Variants in NHSL1 observed in about 807,000 individuals in gnomAD.
NHSL1 encodes the protein NHS-like protein 1.
NHSL1 carries 48 observed loss-of-function variants against 95.0 expected under a neutral mutation model. The observed-to-expected ratio is 0.51, with a 90% CI of 0.40 to 0.64. The LOEUF (loss-of-function observed/expected upper bound fraction) is 0.64, where lower values mean the gene tolerates loss of function less well. Ranked by LOEUF, NHSL1 falls within the 30% of genes least tolerant of loss-of-function variation. NHSL1 has a pLI of 0.00. For synonymous variants in NHSL1, 783 were observed against 833.9 expected (o/e 0.94, Z 1.05); for missense variants, 1,971 against 2,077.7 (o/e 0.95, Z 1.00).
intron 1 of NHSL1, among the ~76,000 whole-genome samples, chr6:138,636,831 A>G (rs1784894632): frequency 6.6e-6 from 1 of 152,248 alleles, no homozygotes; most frequent in South Asian, 2.1e-4. Context: ...AAATGTTCAC[A>G]CTATCCAAAG....
rs77996889 is a variant in NHSL1 at position 138,494,832 on chromosome 6, T to C, written c.211+1387A>G. 6.4e-3 allele frequency among the ~76,000 whole-genome samples: 981 copies of C among 152,338 alleles called. 3 individuals carry two copies. Among genetic ancestry groups the C allele is most frequent in the Non-Finnish European group, 9.0e-3 (611 of 68,030 alleles). On this transcript the variant is annotated intron_variant, in intron 2 of 7. Transcript: ENST00000343505. ...CTGGTAGAATAAGAAGTTTGGTTTG[T>C]TGTACTAAGAAAAAGTCTCTGAATT...
In NHSL1 at chr6:138,481,379, T is replaced by C. The variant is rs145671474; in HGVS notation, c.212-7946A>G. Among the ~76,000 whole-genome samples, 1,054 of 152,330 alleles carry C rather than the reference T, an allele frequency of 6.9e-3. 15 individuals carry two copies. Among genetic ancestry groups the C allele is most frequent in the African/African-American group, 0.025 (1,030 of 41,580 alleles). Reference sequence around the variant, plus strand: ...AATCATACTGATATAGTTAGGATTCTCCCTTGTCACTCATGCACGATGAAT... The same window carrying C: ...AATCATACTGATATAGTTAGGATTCCCCCTTGTCACTCATGCACGATGAAT... On this transcript the variant is annotated intron_variant, in intron 2 of 7. Transcript: ENST00000343505.
chr6:138,516,810 T>C (rs778441929), intron 1 of NHSL1, among the ~76,000 whole-genome samples: 13 of 151,676 alleles, frequency 8.6e-5, no homozygotes, highest in Non-Finnish European at 1.5e-4. Context: ...AATCTTTGTA[T>C]TTTTTTTAGA....
At chr6:138,441,485 A>G (rs1414917245) in intron 5 of NHSL1, among the ~76,000 whole-genome samples, 1 of 152,246 alleles carries the variant, frequency 6.6e-6, no homozygotes, top group Non-Finnish European at 1.5e-5. Flanking sequence ...TAAAGGCACC[A>G]TCCAACATAA....
intron 1 of NHSL1, among the ~76,000 whole-genome samples, chr6:138,665,974 C>T (rs535474028): frequency 6.6e-6 from 1 of 152,194 alleles, no homozygotes; most frequent in South Asian, 2.1e-4. Flanking sequence ...CAAATGCTAG[C>T]TCTTGAGGTG....
At chr6:138,452,065 G>A (rs1200769911) in intron 3 of NHSL1, among the ~76,000 whole-genome samples, 3 of 152,282 alleles carry the variant, frequency 2.0e-5, no homozygotes, top group East Asian at 3.9e-4. Flanking sequence ...AAATTGCCTT[G>A]CTCTCAGAAC....
In NHSL1 at chr6:138,442,083, C is replaced by A. The variant is rs1776564580; in HGVS notation, c.564G>T (p.Arg188=). The A allele has an allele frequency of 6.4e-7, 1 of 1,550,686 alleles. No individual in the cohort carries two copies. Among genetic ancestry groups the A allele is most frequent in the Non-Finnish European group, 8.7e-7 (1 of 1,146,682 alleles). ...GENFDRQASL[R]RSLIYTDTLV... The stretch of plus-strand genomic sequence containing the variant: ...GAGTGTCTGTGTAAATTAGAGACCG[C>A]CGAAGGCTGGCCTGGCGATCGAAAT... Residue 188 remains arginine, a synonymous_variant, in exon 5 of 8, where the codon CGG becomes CGT. Coordinates refer to ENST00000343505, the MANE Select transcript of NHSL1 (RefSeq NM_001144060.2).
intron 1 of NHSL1, among the ~76,000 whole-genome samples, chr6:138,555,615 A>C (rs1008608467): frequency 5.3e-5 from 8 of 152,154 alleles, no homozygotes; most frequent in African/African-American, 1.7e-4. Flanking sequence ...GTGCGGAATA[A>C]AAGTGACATG....
intron 2 of NHSL1, among the ~76,000 whole-genome samples, chr6:138,477,500 G>A (rs1021795143): frequency 1.3e-5 from 2 of 152,306 alleles, no homozygotes; most frequent in Admixed American, 6.5e-5. Flanking sequence ...CTACTCAGGA[G>A]GCTGAGGCAG....
intron 1 of NHSL1, among the ~76,000 whole-genome samples, chr6:138,666,590 C>CAAAAAA (rs10564684): frequency 2.5e-4 from 22 of 89,278 alleles, no homozygotes; most frequent in Middle Eastern, 6.4e-3. Context: ...GCCTCCATCT[C>CAAAAAA]AAAAAAAAAA....
At chr6:138,557,487 G>C (rs1783236358) in intron 1 of NHSL1, among the ~76,000 whole-genome samples, 1 of 152,184 alleles carries the variant, frequency 6.6e-6, no homozygotes, top group Non-Finnish European at 1.5e-5. Context: ...CAAGTACACT[G>C]TCGAAAGAGA....
upstream of NHSL1, among the ~76,000 whole-genome samples, chr6:138,576,397 C>T (rs537184717): frequency 3.9e-5 from 6 of 152,308 alleles, no homozygotes; most frequent in East Asian, 9.6e-4. Context: ...TCCAAGAAAA[C>T]CTACATTAGA....
chr6:138,619,728 T>TC (rs1014688591), intron 1 of NHSL1, among the ~76,000 whole-genome samples: 2 of 151,908 alleles, frequency 1.3e-5, no homozygotes, highest in Non-Finnish European at 2.9e-5. Flanking sequence ...TTGAGACAGA[T>TC]CACGAGGTCA....
At chr6:138,683,706 A>C (rs1785542403) in intron 1 of NHSL1, among the ~76,000 whole-genome samples, 1 of 152,232 alleles carries the variant, frequency 6.6e-6, no homozygotes, top group South Asian at 2.1e-4. Context: ...TGGGCGGACT[A>C]ATCCTGGAGA....
In NHSL1 at chr6:138,431,733, G is replaced by A. The variant is rs1775685368; in HGVS notation, c.2612C>T (p.Ser871Leu). 1 of 1,551,646 alleles carries A rather than the reference G, an allele frequency of 6.4e-7. No individual in the cohort carries two copies. The highest frequency in any genetic ancestry group is 2.4e-5 in the East Asian group (1 of 40,928). ...ALTPVPVFLK[S>L]VSPANGKGKP... ...CCCCTTCCCGTTTGCTGGTGACACT[G>A]ATTTTAAAAACACAGGCACAGGGGT... Residue 871 changes from serine (S) to leucine (L), a missense_variant, in exon 6 of 8, where the codon TCA becomes TTA. Physicochemically the swap from Ser to Leu is moderately radical, Grantham distance 145. Around this residue, in one of 3 missense-constraint regions of NHSL1, gnomAD observed 1,602 missense variants for 1,654.5 expected, o/e 0.97. Coordinates refer to ENST00000343505, the MANE Select transcript of NHSL1 (RefSeq NM_001144060.2). The surrounding 1 kb of genome is among the most constrained non-coding windows in gnomAD (Gnocchi z 4.0).
rs1288290734 is a variant in NHSL1 at position 138,422,996 on chromosome 6, A to T, written c.*1085T>A. The T allele has an allele frequency of 6.6e-6, 1 of 151,944 alleles. No homozygotes were observed. The allele number at this position is 151,944 out of a possible 1,614,324, so 9.4% of individuals were successfully genotyped here. On this transcript the variant is annotated 3_prime_UTR_variant, in exon 8 of 8. Coordinates refer to ENST00000343505, the MANE Select transcript of NHSL1 (RefSeq NM_001144060.2). ...AGTTCAAGGAAAAAAAAATAGCCATAACTTTTTCTTTGGTGTAACCAAAAG... is the reference window on the plus strand; with the variant it reads ...AGTTCAAGGAAAAAAAAATAGCCATTACTTTTTCTTTGGTGTAACCAAAAG...
At chr6:138,458,643 T>A (rs1777784807) in intron 3 of NHSL1, among the ~76,000 whole-genome samples, 1 of 152,074 alleles carries the variant, frequency 6.6e-6, no homozygotes, top group African/African-American at 2.4e-5. Flanking sequence ...CCTGGCCACA[T>A]GGTGAAACCC....
chr6:138,508,899 T>C (rs191509525), intron 1 of NHSL1, among the ~76,000 whole-genome samples: 1 of 152,352 alleles, frequency 6.6e-6, no homozygotes, highest in African/African-American at 2.4e-5. Flanking sequence ...GAACCAATTA[T>C]TCTTTGTGAC....
chr6:138,686,976 C>A (rs895600581), intron 1 of NHSL1, among the ~76,000 whole-genome samples: 2 of 152,136 alleles, frequency 1.3e-5, no homozygotes, highest in African/African-American at 4.8e-5. Flanking sequence ...CAGCTACTGT[C>A]AGTTTCTCTT....
Sources: gnomAD v4.1 joint callset for allele counts (sites outside exome capture counted in the v4.1 genomes callset) on GRCh38, gnomAD v4.1.1 for gene constraint, gnomAD v4.1.1 regional missense constraint, Gnocchi (gnomAD v3.1) non-coding constraint, MANE v1.5 for transcripts, NCBI Gene and HGNC (gene_info 2026-07-23, HGNC 2026-07-21) for gene names.